The following ABCB9 variants were observed in gnomAD, a reference collection of about 807,000 sequenced individuals.
The protein encoded by ABCB9 is ATP binding cassette subfamily B member 9.
ABCB9 carries 36 observed loss-of-function variants against 62.0 expected under a neutral mutation model. That is an observed-to-expected ratio of 0.58 (90% CI 0.45 to 0.77). The LOEUF (loss-of-function observed/expected upper bound fraction) is 0.77. Among genes scored for constraint, ABCB9 ranks in the 30% least tolerant of loss-of-function variants. The pLI is 0.00. For synonymous variants in ABCB9, 435 were observed against 461.4 expected, an observed-to-expected ratio of 0.94 and a Z score of 0.73; for missense variants, 943 against 1,054.7, an observed-to-expected ratio of 0.89 and a Z score of 1.47.
chr12:122,951,907 A>G (rs2036387149), intron 2 of ABCB9: 1 of 152,212 alleles, frequency 6.6e-6, no homozygotes, highest in African/African-American at 2.4e-5. Flanking sequence ...GTCTGAATGC[A>G]TCTCCCAAAA....
intron 11 of ABCB9, among the ~76,000 whole-genome samples, chr12:122,922,884 C>T (rs1206628446): frequency 6.6e-6 from 1 of 152,024 alleles, no homozygotes; most frequent in Admixed American, 6.6e-5. Flanking sequence ...GCCTTGAATT[C>T]CTGGGCTTAA....
At position 122,964,390 on chromosome 12, in the gene ABCB9, T is replaced by C. The variant is rs939731945; in HGVS notation, c.-88+1897A>G. Among the ~76,000 whole-genome samples, 1 of 152,176 alleles carries C rather than the reference T, an allele frequency of 6.6e-6. No individual in the cohort carries two copies. The highest frequency in any genetic ancestry group is 2.4e-5 in the African/African-American group (1 of 41,440). ...GACTACCAAAGCCACATTTTGCAGATGGGGAAACTGAGGCCCACAGAGGGA... is the reference window on the plus strand; with the variant it reads ...GACTACCAAAGCCACATTTTGCAGACGGGGAAACTGAGGCCCACAGAGGGA... On this transcript the variant is annotated intron_variant, in intron 1 of 11. Transcript: ENST00000280560. This position sits in a 1 kb window ranked among gnomAD's most constrained non-coding sequence, Gnocchi z 4.7.
chr12:122,945,839 C>T lies in ABCB9; in HGVS notation c.1251+186G>A, dbSNP rs1334026433. Among the ~76,000 whole-genome samples, 3 of 145,652 alleles carry T rather than the reference C, an allele frequency of 2.1e-5. No homozygotes were observed. The East Asian group carries it at 5.9e-4, about 29-fold the overall frequency. On this transcript the variant is annotated intron_variant, in intron 6 of 11. Coordinates refer to ENST00000280560, the MANE Select transcript of ABCB9 (RefSeq NM_019625.4). ...GTTGCAGTGAGCTGAGATGGTGCCACTGCACTCCAGCCTGGGTGACAGAGT... is the reference window on the plus strand; with the variant it reads ...GTTGCAGTGAGCTGAGATGGTGCCATTGCACTCCAGCCTGGGTGACAGAGT...
At chr12:122,948,366 AGTATCT>A (rs1431470110) in intron 5 of ABCB9, 4 of 375,456 alleles carry the variant, frequency 1.1e-5, no homozygotes, top group Non-Finnish European at 1.9e-5. Context: ...GTTGGTACCT[AGTATCT>A]GTCTCTGACA....
intron 11 of ABCB9, among the ~76,000 whole-genome samples, chr12:122,923,391 C>T (rs868362173): frequency 6.6e-6 from 1 of 152,136 alleles, no homozygotes; most frequent in African/African-American, 2.4e-5. Flanking sequence ...GGGTTCACGC[C>T]ATTCTCCTGC....
intron 3 of ABCB9, 92 bp from the exon 4 acceptor site, chr12:122,950,010 G>A: frequency 1.3e-6 from 2 of 1,551,644 alleles, no homozygotes; most frequent in Non-Finnish European, 1.8e-6. Context: ...AGGCCTGGGA[G>A]CCCCACCGCA....
Position 122,948,633 on chromosome 12 carries a change from C to G in ABCB9, c.1044G>C (p.Lys348Asn). 6.2e-7 allele frequency: 1 copy of G among 1,611,958 alleles called. No individual in the cohort carries two copies. The highest frequency in any genetic ancestry group is 8.5e-7 in the Non-Finnish European group (1 of 1,178,824). The change falls in exon 5 of 12, where the codon AAG becomes AAC. Residue 348 changes from lysine (K) to asparagine (N), a missense_variant. By Grantham distance (94) the Lys-to-Asn change is moderately conservative. Transcript: ENST00000280560. ...GACAGGGCAGGCCTACCTTGTAGTA[C>G]TTGCCGTAGATGTTGGACACCATCA... ...IIMMVSNIYG[K>N]YYKRLSKEVQ...
intron 1 of ABCB9, among the ~76,000 whole-genome samples, chr12:122,973,624 G>A (rs1214031521): frequency 1.4e-5 from 2 of 145,172 alleles, no homozygotes; most frequent in Non-Finnish European, 3.0e-5. Context: ...AACTTTGGGA[G>A]GCCGAGGCAG....
downstream of ABCB9, among the ~76,000 whole-genome samples, chr12:122,927,355 A>G (rs80172058): frequency 0.035 from 5,342 of 152,228 alleles, 154 homozygotes; most frequent in East Asian, 0.16. Context: ...TATTTTTAGT[A>G]GAGACAGGGT....
rs764268220 is a variant in ABCB9, at chr12:122,959,827, G to A, written c.409C>T (p.Leu137=). 3 of 1,612,974 alleles carry A rather than the reference G, an allele frequency of 1.9e-6. No individual in the cohort carries two copies. The South Asian group carries it at 3.3e-5, about 18-fold the overall frequency. Reference sequence around the variant, plus strand: ...TGGGTGCCTGGCCGCACGGTGGACAGCAGCCACCAGAGCAGGAAGGATGCG... The same window carrying A: ...TGGGTGCCTGGCCGCACGGTGGACAACAGCCACCAGAGCAGGAAGGATGCG... ...LGASFLLWWL[L]STVRPGTQAL... is the part of the protein sequence containing the mutation. The change falls in exon 2 of 12, where the codon CTG becomes TTG. Residue 137 remains leucine, a synonymous_variant. Transcript: ENST00000280560. The surrounding 1 kb of genome is among the most constrained non-coding windows in gnomAD (Gnocchi z 5.4).
At chr12:122,973,735 C>A (rs1397587653) in intron 1 of ABCB9, among the ~76,000 whole-genome samples, 2 of 151,938 alleles carry the variant, frequency 1.3e-5, no homozygotes, top group Non-Finnish European at 2.9e-5. Flanking sequence ...GTGGCGGGCG[C>A]CTGTAGTCCC....
chr12:122,941,012 C>A lies in ABCB9; in HGVS notation c.1381-17G>T. ...GCCCACGGACTGGGGAGAGGAGACA[C>A]GCGTTCCTGTCCCACCGATACCCGA... On this transcript the variant is annotated splice_polypyrimidine_tract_variant and intron_variant, in intron 7 of 11. Transcript: ENST00000280560. The A allele has an allele frequency of 1.9e-6, 3 of 1,572,444 alleles. No homozygotes were observed. Among genetic ancestry groups the A allele is most frequent in the Non-Finnish European group, 2.6e-6 (3 of 1,151,682 alleles).
upstream of ABCB9, among the ~76,000 whole-genome samples, chr12:122,971,481 G>T (rs924553890): frequency 1.3e-5 from 2 of 151,710 alleles, no homozygotes; most frequent in Non-Finnish European, 2.9e-5. Context: ...TTGAGACAGG[G>T]TCTCATTCTG....
At chr12:122,943,172 T>C (rs2035855415) in intron 7 of ABCB9, among the ~76,000 whole-genome samples, 1 of 152,156 alleles carries the variant, frequency 6.6e-6, no homozygotes, top group Non-Finnish European at 1.5e-5. Flanking sequence ...GGCCCTCAGA[T>C]GGGATGACTC....
intron 1 of ABCB9, among the ~76,000 whole-genome samples, chr12:122,963,551 T>A (rs751657606): frequency 3.9e-5 from 6 of 151,990 alleles, no homozygotes; most frequent in Non-Finnish European, 8.8e-5. Flanking sequence ...CAGAGCTAGG[T>A]GACCCACAGA....
chr12:122,923,283 T>C (rs1272916327), intron 11 of ABCB9, among the ~76,000 whole-genome samples: 1 of 150,536 alleles, frequency 6.6e-6, no homozygotes, highest in Non-Finnish European at 1.5e-5. Flanking sequence ...CCAGTACTTC[T>C]TATTTATTTA....
At chr12:122,972,476 G>C (rs2037288378) in intron 1 of ABCB9, among the ~76,000 whole-genome samples, 1 of 151,938 alleles carries the variant, frequency 6.6e-6, no homozygotes, top group South Asian at 2.1e-4. Flanking sequence ...TCTGGGTGCT[G>C]GTTACATGGG....
intron 5 of ABCB9, chr12:122,946,488 C>T: frequency 3.9e-6 from 2 of 516,314 alleles, no homozygotes; most frequent in South Asian, 4.4e-5. Context: ...ATCGTTAAGT[C>T]ATCCCCAGTA....
At position 122,940,288 on chromosome 12, in the gene ABCB9, C is replaced by T; in HGVS notation, c.1570-4G>A. On this transcript the variant is annotated splice_polypyrimidine_tract_variant and splice_region_variant and intron_variant, in intron 8 of 11. Transcript: ENST00000280560. The surrounding 1 kb of genome is among the most constrained non-coding windows in gnomAD (Gnocchi z 4.8). ...GGGACAGGCTGAAGGAGACATTCTG[C>T]AAAGAACACACAGGCACAGTGCGGG... 6.3e-7 allele frequency: 1 copy of T among 1,585,452 alleles called. No homozygotes were observed. The highest frequency in any genetic ancestry group is 8.6e-7 in the Non-Finnish European group (1 of 1,164,580).
Sources: allele counts gnomAD v4.1 joint callset (sites outside exome capture counted in the v4.1 genomes callset), GRCh38; gene constraint gnomAD v4.1.1; non-coding constraint Gnocchi (gnomAD v3.1); transcripts MANE v1.5; gene names NCBI Gene and HGNC (gene_info 2026-07-23, HGNC 2026-07-21).